Variants in TRIM5 observed in about 807,000 individuals in gnomAD.
The protein encoded by TRIM5 is tripartite motif containing 5.
In TRIM5, 31 loss-of-function variants were observed where a neutral mutation model predicts 35.6. The observed-to-expected ratio is 0.87, with a 90% confidence interval of 0.65 to 1.18. The LOEUF is 1.18. Among genes scored for constraint, TRIM5 ranks in the 50% most tolerant of loss-of-function variants. The probability of loss-of-function intolerance (pLI) is 0.00; values close to 1 mark genes in which losing one functional copy is unlikely to be tolerated. For missense variants in TRIM5, 609 were observed against 591.6 expected, an observed-to-expected ratio of 1.03 and a Z score of -0.31; for synonymous variants, 243 against 215.6, an observed-to-expected ratio of 1.13 and a Z score of -1.11.
chr11:5,680,331 A>G, intron 1 of TRIM5, 93 bp from the exon 2 acceptor site: 8 of 785,886 alleles, frequency 1.0e-5, no homozygotes, highest in Non-Finnish European at 1.9e-6. Flanking sequence ...GGGCAAGATG[A>G]AAATAATTAA....
At chr11:5,636,438 G>A in the TRIM5 span, among the ~76,000 whole-genome samples, 1 of 152,174 alleles carries the variant, frequency 6.6e-6, no homozygotes, top group African/African-American at 2.4e-5. Flanking sequence ...GATTTACTGT[G>A]CAATGACGGT....
At chr11:5,644,075 C>G in the TRIM5 span, 1 of 414,194 alleles carries the variant, frequency 2.4e-6, no homozygotes, top group African/African-American at 2.1e-5. Flanking sequence ...CCACCACCAA[C>G]ATCAACTAAA....
the TRIM5 span, chr11:5,608,484 G>A: frequency 5.1e-6 from 8 of 1,579,656 alleles, no homozygotes; most frequent in South Asian, 1.2e-5. Context: ...AAGAATCAGA[G>A]TGGGGAAGAT....
chr11:5,638,608 T>C, the TRIM5 span, among the ~76,000 whole-genome samples: 15 of 152,210 alleles, frequency 9.9e-5, no homozygotes, highest in Admixed American at 9.8e-4. Flanking sequence ...ACTGGCTTGA[T>C]AAAATGTTTT....
the TRIM5 span, among the ~76,000 whole-genome samples, chr11:5,608,712 T>A: frequency 1.3e-5 from 2 of 151,864 alleles, no homozygotes; most frequent in Non-Finnish European, 2.9e-5. Context: ...AAAAAATGAA[T>A]AAAGAGTTGC....
downstream of TRIM5, among the ~76,000 whole-genome samples, chr11:5,662,553 G>A (rs892251493): frequency 2.6e-5 from 4 of 152,090 alleles, no homozygotes; most frequent in African/African-American, 7.2e-5. Context: ...TGCAAAATAC[G>A]TTTTTACTAC....
the TRIM5 span, chr11:5,612,693 T>C: frequency 6.6e-6 from 1 of 152,282 alleles, no homozygotes; most frequent in African/African-American, 2.4e-5. Context: ...AAGAGGTACA[T>C]GTGAGGGTAG....
At chr11:5,645,867 G>GAAAAAA in the TRIM5 span, 61 of 135,592 alleles carry the variant, frequency 4.5e-4, 1 homozygote, top group African/African-American at 1.5e-3. Context: ...TAGTCTTCTG[G>GAAAAAA]AAAAAAAAAA....
chr11:5,606,178 T>G, the TRIM5 span, among the ~76,000 whole-genome samples: 1 of 152,234 alleles, frequency 6.6e-6, no homozygotes, highest in African/African-American at 2.4e-5. Context: ...GATGATGTAT[T>G]ACCAGCCCTT....
chr11:5,608,476 G>C, the TRIM5 span: 9 of 1,589,616 alleles, frequency 5.7e-6, no homozygotes, highest in South Asian at 2.3e-5. Flanking sequence ...AAGGGAAGAA[G>C]AATCAGAGTG....
the TRIM5 span, chr11:5,641,153 T>C: frequency 6.2e-7 from 1 of 1,613,406 alleles, no homozygotes; most frequent in East Asian, 2.2e-5. Flanking sequence ...TCATGTTTTC[T>C]CTTTTCTTTC....
chr11:5,626,651 AG>A, the TRIM5 span: 1 of 152,090 alleles, frequency 6.6e-6, no homozygotes, highest in African/African-American at 2.4e-5. Flanking sequence ...AGGACAAGGC[AG>A]GAAGATCACC....
chr11:5,670,451 G>C (rs997585054), intron 4 of TRIM5, among the ~76,000 whole-genome samples: 13 of 151,862 alleles, frequency 8.6e-5, no homozygotes, highest in Admixed American at 3.3e-4. Context: ...TTACAGGCAT[G>C]AGCCACTGCG....
the TRIM5 span, among the ~76,000 whole-genome samples, chr11:5,650,636 A>C: frequency 3.3e-5 from 5 of 152,320 alleles, no homozygotes; most frequent in South Asian, 2.1e-4. Flanking sequence ...ATTTTGTTTT[A>C]GGGCCTGCTT....
At chr11:5,610,519 CTT>C in the TRIM5 span, 18 of 1,614,156 alleles carry the variant, frequency 1.1e-5, no homozygotes, top group South Asian at 1.6e-4. Context: ...ATTATTGACT[CTT>C]TTCATCATTA....
the TRIM5 span, among the ~76,000 whole-genome samples, chr11:5,653,191 G>A: frequency 1.3e-5 from 2 of 152,122 alleles, no homozygotes; most frequent in Admixed American, 1.3e-4. Flanking sequence ...AATTCTCATT[G>A]TAGATATCCT....
At chr11:5,642,137 A>G in the TRIM5 span, among the ~76,000 whole-genome samples, 2 of 152,160 alleles carry the variant, frequency 1.3e-5, no homozygotes, top group Non-Finnish European at 1.5e-5. Context: ...TTAGATATCA[A>G]AGGAGGGTTT....
the TRIM5 span, chr11:5,603,812 T>G: frequency 2.9e-4 from 445 of 1,542,364 alleles, no homozygotes; most frequent in Non-Finnish European, 3.6e-4. Flanking sequence ...TGCTCTGATC[T>G]AATCTCTTTG....
chr11:5,589,515 C>T, the TRIM5 span: 1 of 151,998 alleles, frequency 6.6e-6, no homozygotes, highest in Non-Finnish European at 1.5e-5. Context: ...TTTAAATTCT[C>T]CTTTGGGTTG....
Sources: gnomAD v4.1 joint callset for allele counts (sites outside exome capture counted in the v4.1 genomes callset) on GRCh38, gnomAD v4.1.1 for gene constraint, MANE v1.5 for transcripts, NCBI Gene and HGNC (gene_info 2026-07-23, HGNC 2026-07-21) for gene names.